Variants in RBFOX1 observed in about 807,000 individuals in gnomAD.
RBFOX1 encodes the protein RNA binding protein fox-1 homolog 1.
Under a neutral mutation model 57.7 loss-of-function variants are expected in RBFOX1, and 8 were observed. The observed-to-expected ratio is 0.14, with a 90% CI of 0.08 to 0.25. The LOEUF is 0.25. Ranked by LOEUF, RBFOX1 falls within the 10% of genes least tolerant of loss-of-function variation. The pLI is 1.00. For synonymous variants in RBFOX1, 326 were observed against 222.4 expected (o/e 1.47, Z -4.15); for missense variants, 611 against 548.5 (o/e 1.11, Z -1.14).
At chr16:7,287,932 T>C (rs2095682983) in intron 4 of RBFOX1, among the ~76,000 whole-genome samples, 1 of 152,184 alleles carries the variant, frequency 6.6e-6, no homozygotes, top group South Asian at 2.1e-4. Flanking sequence ...ACATAGTTTG[T>C]GAGGATCTAG....
At chr16:5,329,911 A>T (rs2064699630) in intron 1 of RBFOX1, among the ~76,000 whole-genome samples, 2 of 149,216 alleles carry the variant, frequency 1.3e-5, no homozygotes, top group Admixed American at 6.6e-5. Flanking sequence ...TGAATCCGGG[A>T]GGTGGAGCTT....
chr16:7,409,111 C>T (rs1299950328), intron 4 of RBFOX1, among the ~76,000 whole-genome samples: 1 of 152,228 alleles, frequency 6.6e-6, no homozygotes, highest in East Asian at 1.9e-4. Context: ...TGCGCTGTCG[C>T]TCTAAGCCAG....
chr16:6,663,205 A>G lies in RBFOX1; in HGVS notation c.-16+8555A>G, dbSNP rs192594992. ...ATTTTCAAGAGACTGGATAAGTCCT[A>G]TCCACATGACTTACTGACAATGGAT... On this transcript the variant is annotated intron_variant, in intron 3 of 15. Transcript: ENST00000550418. 4.1e-3 allele frequency among the ~76,000 whole-genome samples: 622 copies of G among 152,320 alleles called. 4 individuals carry two copies. Among genetic ancestry groups the G allele is most frequent in the African/African-American group, 0.013 (557 of 41,574 alleles).
intron 13 of RBFOX1, among the ~76,000 whole-genome samples, chr16:7,666,821 T>C (rs1238060325): frequency 6.6e-6 from 1 of 152,204 alleles, no homozygotes; most frequent in East Asian, 1.9e-4. Flanking sequence ...TTTGTGCTTT[T>C]CTAGTTCCTT....
intron 1 of RBFOX1, among the ~76,000 whole-genome samples, chr16:6,312,493 G>C (rs12149730): frequency 6.6e-6 from 1 of 152,010 alleles, no homozygotes; most frequent in East Asian, 1.9e-4. Context: ...GTGAGGTTTC[G>C]TCTGTTCTGA....
intron 4 of RBFOX1, among the ~76,000 whole-genome samples, chr16:7,456,110 A>G (rs2058460784): frequency 6.6e-6 from 1 of 152,298 alleles, no homozygotes; most frequent in South Asian, 2.1e-4. Context: ...AAGCGTTCCT[A>G]CATTGCCCTT....
chr16:7,318,378 A>G (rs1205823607), intron 4 of RBFOX1, among the ~76,000 whole-genome samples: 1 of 151,858 alleles, frequency 6.6e-6, no homozygotes, highest in Non-Finnish European at 1.5e-5. Flanking sequence ...GGTGGTGATG[A>G]TGTTTGGTGA....
At chr16:6,925,305 T>C (rs953305644) in intron 3 of RBFOX1, among the ~76,000 whole-genome samples, 4 of 148,700 alleles carry the variant, frequency 2.7e-5, no homozygotes, top group Non-Finnish European at 4.4e-5. Flanking sequence ...ATTTAACTTT[T>C]GTAGAGATAG....
intron 4 of RBFOX1, among the ~76,000 whole-genome samples, chr16:7,444,063 G>T (rs948899433): frequency 1.3e-5 from 2 of 152,192 alleles, no homozygotes; most frequent in African/African-American, 4.8e-5. Context: ...AATATACATG[G>T]AAGTTAAACA....
intron 10 of RBFOX1, 34 bp from the exon 11 acceptor site, chr16:7,630,569 C>G: frequency 6.2e-7 from 1 of 1,613,196 alleles, no homozygotes; most frequent in South Asian, 1.1e-5. Flanking sequence ...TACCGATTCC[C>G]AAACCAGATA....
At chr16:6,928,854 A>G (rs967337860) in intron 3 of RBFOX1, among the ~76,000 whole-genome samples, 1 of 152,182 alleles carries the variant, frequency 6.6e-6, no homozygotes, top group Non-Finnish European at 1.5e-5. Context: ...AGTTAAAACC[A>G]CCACCACCAC....
chr16:7,271,681 G>A lies in RBFOX1; in HGVS notation c.27+219583G>A, dbSNP rs142146141. Among the ~76,000 whole-genome samples the A allele has an allele frequency of 5.9e-3, 892 of 152,120 alleles. 4 individuals are homozygous for A. Among genetic ancestry groups the A allele is most frequent in the Non-Finnish European group, 0.01 (708 of 68,012 alleles). On this transcript the variant is annotated intron_variant, in intron 4 of 15. Coordinates refer to ENST00000550418, the MANE Select transcript of RBFOX1 (RefSeq NM_018723.4). Reference sequence around the variant, plus strand: ...ATTGATGGCTCAAATGCCAGATGTCGGGAAACAGTGATTTAAAAGGAAATA... The same window carrying A: ...ATTGATGGCTCAAATGCCAGATGTCAGGAAACAGTGATTTAAAAGGAAATA...
intron 4 of RBFOX1, among the ~76,000 whole-genome samples, chr16:7,122,981 A>T (rs927047120): frequency 6.6e-6 from 1 of 152,092 alleles, no homozygotes; most frequent in African/African-American, 2.4e-5. Context: ...CATTCCTATG[A>T]CATCTGCAAG....
intron 2 of RBFOX1, among the ~76,000 whole-genome samples, chr16:6,450,766 T>C (rs1462741520): frequency 3.8e-5 from 1 of 26,070 alleles, no homozygotes; most frequent in South Asian, 1.3e-3. Flanking sequence ...TATATATATG[T>C]GTATATATAT....
At chr16:7,349,466 A>G (rs1464857867) in intron 4 of RBFOX1, among the ~76,000 whole-genome samples, 2 of 152,234 alleles carry the variant, frequency 1.3e-5, no homozygotes, top group South Asian at 2.1e-4. Flanking sequence ...GGGCTTGCCA[A>G]TGGCATTAGG....
intron 4 of RBFOX1, among the ~76,000 whole-genome samples, chr16:7,225,445 C>T (rs1603368871): frequency 6.6e-6 from 1 of 152,090 alleles, no homozygotes; most frequent in Non-Finnish European, 1.5e-5. Context: ...TCAGATGCAC[C>T]TTTCACCTTC....
chr16:5,516,453 C>G (rs563412683), intron 2 of RBFOX1, among the ~76,000 whole-genome samples: 5 of 152,178 alleles, frequency 3.3e-5, no homozygotes, highest in South Asian at 2.1e-4. Context: ...AGTTACTTGA[C>G]CTCTCTAAGT....
chr16:5,995,048 T>C (rs575566438), intron 4 of RBFOX1, among the ~76,000 whole-genome samples: 2 of 152,356 alleles, frequency 1.3e-5, no homozygotes, highest in East Asian at 1.9e-4. Flanking sequence ...CAACCATGCA[T>C]TGATCTTAAA....
At chr16:6,856,974 G>T (rs1459070624) in intron 3 of RBFOX1, among the ~76,000 whole-genome samples, 1 of 152,170 alleles carries the variant, frequency 6.6e-6, no homozygotes, top group Admixed American at 6.5e-5. Flanking sequence ...GAGGGACAAA[G>T]AGAAGGAGGA....
Sources: allele counts gnomAD v4.1 joint callset (sites outside exome capture counted in the v4.1 genomes callset), GRCh38; gene constraint gnomAD v4.1.1; transcripts MANE v1.5; gene names NCBI Gene and HGNC (gene_info 2026-07-23, HGNC 2026-07-21).